The following DHRSX variants were observed in gnomAD, a reference collection of about 807,000 sequenced individuals.
DHRSX encodes polyprenol dehydrogenase.
In DHRSX, 31 loss-of-function variants were observed where a neutral mutation model predicts 34.0. The observed-to-expected ratio is 0.91, with a 90% CI of 0.69 to 1.23. DHRSX has a LOEUF of 1.23. Ranked by LOEUF, DHRSX falls within the 50% of genes most tolerant of loss-of-function variation. The probability of loss-of-function intolerance (pLI) is 0.00; values close to 1 mark genes in which losing one functional copy is unlikely to be tolerated. For synonymous variants in DHRSX, 201 were observed against 183.8 expected (o/e 1.09, Z -0.76); for missense variants, 414 against 428.1 (o/e 0.97, Z 0.29).
intron 1 of DHRSX, among the ~76,000 whole-genome samples, chrX:2,446,015 G>A (rs1328695450): frequency 6.7e-6 from 1 of 149,826 alleles, no homozygotes; most frequent in Non-Finnish European, 1.5e-5. Context: ...AGGGACCGCT[G>A]CTGTGTATTC....
chrX:2,266,860 G>T lies in DHRSX; in HGVS notation c.476C>A (p.Thr159Asn). Reference protein sequence around the residue: ...GLNYLGHFLLTNLLLDTLKES... With the variant: ...GLNYLGHFLLNNLLLDTLKES... ...TTTCAGCGTATCCAAGAGAAGGTTG[G>T]TCAGCAGGAAGTGCCCTAGGTAGTT... Residue 159 changes from threonine (T) to asparagine (N), a missense_variant, in exon 5 of 7, where the codon ACC (threonine) becomes AAC (asparagine). Thr to Asn is a moderately conservative substitution (Grantham distance 65, BLOSUM62 0). Coordinates refer to ENST00000334651, the MANE Select transcript of DHRSX (RefSeq NM_145177.3). The T allele has an allele frequency of 6.2e-7, 1 of 1,613,952 alleles. No homozygotes were observed. Among genetic ancestry groups the T allele is most frequent in the Non-Finnish European group, 8.5e-7 (1 of 1,179,856 alleles).
At chrX:2,254,529 A>G (rs772284444) in intron 5 of DHRSX, among the ~76,000 whole-genome samples, 3 of 152,312 alleles carry the variant, frequency 2.0e-5, no homozygotes, top group Non-Finnish European at 4.4e-5. Context: ...ACTCCATTAC[A>G]TTCTTTCTAG....
intron 3 of DHRSX, among the ~76,000 whole-genome samples, chrX:2,313,025 G>A (rs1268659113): frequency 1.3e-5 from 2 of 148,312 alleles, no homozygotes; most frequent in Admixed American, 1.3e-4. Flanking sequence ...TTTTTGAGAT[G>A]GAGTTTCGCT....
At chrX:2,353,905 T>C (rs951302621) in intron 3 of DHRSX, among the ~76,000 whole-genome samples, 11 of 152,090 alleles carry the variant, frequency 7.2e-5, no homozygotes, top group Non-Finnish European at 4.4e-5. Context: ...GCAAATTATA[T>C]GTATGCACAC....
At chrX:2,392,210 C>G (rs2043343337) in intron 3 of DHRSX, 2 of 153,880 alleles carry the variant, frequency 1.3e-5, no homozygotes, top group Admixed American at 1.3e-4. Flanking sequence ...ACGCTACCCT[C>G]AAGCCCAGCC....
At chrX:2,355,965 C>T (rs1351589166) in intron 3 of DHRSX, among the ~76,000 whole-genome samples, 5 of 150,954 alleles carry the variant, frequency 3.3e-5, no homozygotes, top group Non-Finnish European at 7.4e-5. Context: ...ACTCGGGAGG[C>T]TAAGGCAGGA....
chrX:2,232,286 G>A (rs2015912898), intron 6 of DHRSX, among the ~76,000 whole-genome samples: 1 of 151,990 alleles, frequency 6.6e-6, no homozygotes, highest in African/African-American at 2.4e-5. Flanking sequence ...GTTCACTTGT[G>A]TGAGGCTGGG....
At chrX:2,249,514 T>TC (rs2016384914) in intron 5 of DHRSX, among the ~76,000 whole-genome samples, 1 of 36,826 alleles carries the variant, frequency 2.7e-5, no homozygotes, top group African/African-American at 1.9e-4. Context: ...TTTTTGTGCC[T>TC]TTTTTTTTTT....
intron 2 of DHRSX, among the ~76,000 whole-genome samples, chrX:2,410,332 G>A (rs779464400): frequency 9.2e-5 from 14 of 152,238 alleles, no homozygotes; most frequent in African/African-American, 3.1e-4. Context: ...ACTAGCAGGG[G>A]AAGCGCACAG....
chrX:2,440,422 G>C (rs1001695128), intron 1 of DHRSX, among the ~76,000 whole-genome samples: 1 of 151,880 alleles, frequency 6.6e-6, no homozygotes, highest in African/African-American at 2.4e-5. Context: ...GGCTGGTTTC[G>C]AGCTCCTAGG....
At chrX:2,314,486 G>GAAGGAAGGAAGGGAGGAAGGTAGGT (rs2042217892) in intron 3 of DHRSX, among the ~76,000 whole-genome samples, 1 of 118,168 alleles carries the variant, frequency 8.5e-6, no homozygotes, top group African/African-American at 5.7e-5. Context: ...AGGAAGGAAG[G>GAAGGAAGGAAGGGAGGAAGGTAGGT]AAGGGAGGTA....
At chrX:2,376,987 C>T (rs2043147611) in intron 3 of DHRSX, among the ~76,000 whole-genome samples, 1 of 138,232 alleles carries the variant, frequency 7.2e-6, no homozygotes, top group African/African-American at 2.7e-5. Context: ...AGAGCAAAAA[C>T]TCTATCTCAA....
chrX:2,500,912 G>A lies in DHRSX; in HGVS notation c.14C>T (p.Ser5Phe). 1.8e-6 allele frequency: 2 copies of A among 1,107,674 alleles called. No homozygotes were observed. The highest frequency in any genetic ancestry group is 1.1e-6 in the Non-Finnish European group (1 of 907,692). The allele number at this position is 1,107,674 out of a possible 1,614,324, so 68.6% of individuals were successfully genotyped here. MSPL[S>F]AARAALRVYA... ...GACCCGCAGGGCCGCCCGCGCCGCAGACAATGGCGACATGGCTGCCCCGGC... is the reference window on the plus strand; with the variant it reads ...GACCCGCAGGGCCGCCCGCGCCGCAAACAATGGCGACATGGCTGCCCCGGC... The change falls in exon 1 of 7, where the codon TCT (serine) becomes TTT (phenylalanine). Residue 5 changes from serine to phenylalanine, a missense_variant. Ser to Phe is a radical substitution (Grantham distance 155, BLOSUM62 -2). Transcript: ENST00000334651.
chrX:2,357,664 C>T (rs751639856), intron 3 of DHRSX, among the ~76,000 whole-genome samples: 7 of 135,002 alleles, frequency 5.2e-5, no homozygotes, highest in East Asian at 2.1e-4. Context: ...TATGGGAAAA[C>T]GAGATTTGTC....
intron 3 of DHRSX, among the ~76,000 whole-genome samples, chrX:2,314,244 AAGGGAG>A: frequency 1.1e-4 from 1 of 9,364 alleles, no homozygotes; most frequent in Non-Finnish European, 2.3e-4. Context: ...GGAGGGAAGG[AAGGGAG>A]GGAAGGAGGG....
chrX:2,490,712 T>G, intron 1 of DHRSX: 2 of 1,612,968 alleles, frequency 1.2e-6, no homozygotes, highest in Non-Finnish European at 1.7e-6. Context: ...CAGGCTTTTA[T>G]TCTCCATTGC....
Position 2,380,300 on chromosome X carries a change from C to CAA in DHRSX, c.286+28443_286+28444dup, listed in dbSNP as rs60910908. Among the ~76,000 whole-genome samples, 172 of 41,618 alleles carry CAA rather than the reference C, an allele frequency of 4.1e-3. 20 individuals carry two copies. Among genetic ancestry groups the CAA allele is most frequent in the Non-Finnish European group, 5.7e-3 (124 of 21,684 alleles). 27.3% of individuals were successfully genotyped at this position (41,618 alleles called of 152,430 possible). On this transcript the variant is annotated intron_variant, in intron 3 of 6. Transcript: ENST00000334651. Reference sequence around the variant, plus strand: ...TGGGCTACAGAGCAAGACTCCGTCTCAAAAAAAAAAAAAAAAAAAAAAAAA... The same window carrying CAA: ...TGGGCTACAGAGCAAGACTCCGTCTCAAAAAAAAAAAAAAAAAAAAAAAAAAA...
chrX:2,463,061 G>A (rs1397264477), intron 1 of DHRSX, among the ~76,000 whole-genome samples: 8 of 152,128 alleles, frequency 5.3e-5, no homozygotes, highest in Non-Finnish European at 8.8e-5. Flanking sequence ...GAGAAAATGC[G>A]TCGTCTATGA....
At position 2,266,860 on chromosome X, in the gene DHRSX, G is replaced by C; in HGVS notation, c.476C>G (p.Thr159Ser). The change falls in exon 5 of 7, where the codon ACC (threonine) becomes AGC (serine). Residue 159 changes from threonine (T) to serine (S), a missense_variant. Coordinates refer to ENST00000334651, the MANE Select transcript of DHRSX (RefSeq NM_145177.3). ...GLNYLGHFLL[T>S]NLLLDTLKES... ...TTTCAGCGTATCCAAGAGAAGGTTG[G>C]TCAGCAGGAAGTGCCCTAGGTAGTT... The C allele has an allele frequency of 6.2e-7, 1 of 1,613,952 alleles. No individual in the cohort carries two copies. Among genetic ancestry groups the C allele is most frequent in the Non-Finnish European group, 8.5e-7 (1 of 1,179,856 alleles).
Sources: gnomAD v4.1 joint callset for allele counts (sites outside exome capture counted in the v4.1 genomes callset) on GRCh38, gnomAD v4.1.1 for gene constraint, MANE v1.5 for transcripts, NCBI Gene and HGNC (gene_info 2026-07-23, HGNC 2026-07-21) for gene names.